Variants in PLB1 observed in about 807,000 individuals in gnomAD.
PLB1 encodes phospholipase B1, also known as phospholipase B1, membrane-associated.
PLB1 carries 242 observed loss-of-function variants against 227.4 expected under a neutral mutation model. The ratio of observed to expected loss-of-function variants is 1.06; its 90% CI spans 0.96 to 1.18. The LOEUF (loss-of-function observed/expected upper bound fraction) is 1.18, where lower values mean the gene tolerates loss of function less well. Ranked by LOEUF, PLB1 falls within the 50% of genes most tolerant of loss-of-function variation. The pLI, the probability that PLB1 is intolerant of heterozygous loss-of-function variation, is 0.00. For synonymous variants in PLB1, 757 were observed against 682.2 expected (o/e 1.11, Z -1.71); for missense variants, 1,858 against 1,816.3 (o/e 1.02, Z -0.42).
chr2:28,508,124 C>T (rs570204955), intron 1 of PLB1, among the ~76,000 whole-genome samples: 2 of 152,330 alleles, frequency 1.3e-5, no homozygotes, highest in African/African-American at 4.8e-5. Flanking sequence ...TTTCTATAAC[C>T]TTCTTTCAAA....
At chr2:28,539,376 T>A (rs1333173094) in intron 11 of PLB1, among the ~76,000 whole-genome samples, 198 bp downstream of exon 11, 1 of 152,128 alleles carries the variant, frequency 6.6e-6, no homozygotes, top group African/African-American at 2.4e-5. Flanking sequence ...AAGCATTGTT[T>A]TGGGGACTGA....
rs749614771 is a variant in PLB1 at position 28,598,054 on chromosome 2, T to G, written c.2365+6T>G. The G allele has an allele frequency of 3.1e-6, 5 of 1,611,188 alleles. No homozygotes were observed. The highest frequency in any genetic ancestry group is 3.4e-6 in the Non-Finnish European group (4 of 1,177,964). ...GAATGTGACCACCTTACCTAGTAAGTAACCATCAGGGGCTTGAATCTGTCT... is the reference window on the plus strand; with the variant it reads ...GAATGTGACCACCTTACCTAGTAAGGAACCATCAGGGGCTTGAATCTGTCT... On this transcript the variant is annotated splice_donor_region_variant and intron_variant, in intron 34 of 57. Coordinates refer to ENST00000327757, the MANE Select transcript of PLB1 (RefSeq NM_153021.5).
At chr2:28,521,920 A>G (rs1669579739) in intron 4 of PLB1, among the ~76,000 whole-genome samples, 1 of 151,074 alleles carries the variant, frequency 6.6e-6, no homozygotes, top group African/African-American at 2.4e-5. Context: ...CCTTCCCAGC[A>G]TCCTCCCCCA....
intron 1 of PLB1, among the ~76,000 whole-genome samples, chr2:28,500,033 T>C (rs932059883): frequency 6.6e-6 from 1 of 152,204 alleles, no homozygotes; most frequent in Non-Finnish European, 1.5e-5. Context: ...TTGAAATTCA[T>C]CTAATGCTTT....
intron 20 of PLB1, among the ~76,000 whole-genome samples, chr2:28,570,828 G>A (rs1007954730): frequency 5.9e-5 from 9 of 152,206 alleles, no homozygotes; most frequent in African/African-American, 2.2e-4. Context: ...AGGGATAGAA[G>A]GAAAATTCCT....
intron 43 of PLB1, among the ~76,000 whole-genome samples, chr2:28,612,251 G>A (rs192748705): frequency 1.3e-5 from 2 of 152,348 alleles, no homozygotes; most frequent in African/African-American, 4.8e-5. Flanking sequence ...ACCAGTATCT[G>A]AGCTGGGGGC....
chr2:28,528,382 A>G (rs528114241), intron 6 of PLB1, among the ~76,000 whole-genome samples: 3 of 152,146 alleles, frequency 2.0e-5, no homozygotes, highest in African/African-American at 7.2e-5. Context: ...ACACAACTTA[A>G]CTGCTCCTGA....
In PLB1 at chr2:28,529,427, C is replaced by T; in HGVS notation, c.416+20C>T. The T allele has an allele frequency of 6.4e-7, 1 of 1,553,748 alleles. No homozygotes were observed. Among genetic ancestry groups the T allele is most frequent in the Non-Finnish European group, 8.9e-7 (1 of 1,125,520 alleles). ...TGCTGAGTAAGTTCCCTTTCTGTCTCTCTCTGAGGTTATGTGTTCCTACTG... is the reference window on the plus strand; with the variant it reads ...TGCTGAGTAAGTTCCCTTTCTGTCTTTCTCTGAGGTTATGTGTTCCTACTG... On this transcript the variant is annotated intron_variant, in intron 7 of 57. Transcript: ENST00000327757.
At chr2:28,582,348 C>T (rs988283873) in intron 24 of PLB1, 57 bp from the exon 25 acceptor site, 32 of 1,489,822 alleles carry the variant, frequency 2.1e-5, no homozygotes, top group Admixed American at 1.4e-4. Flanking sequence ...GGCCCCAAAC[C>T]GAGGTGAAAG....
At position 28,640,918 on chromosome 2, in the gene PLB1, T is replaced by C. The variant is rs1343981275; in HGVS notation, c.4099-9T>C. On this transcript the variant is annotated splice_polypyrimidine_tract_variant and intron_variant, in intron 56 of 57. Transcript: ENST00000327757. ...GGAGAGAATCGAGGTGTCCTTTCTC[T>C]CTCTCCAGCTGGAACCAGTGGGCCG... 2 of 1,612,360 alleles carry C rather than the reference T, an allele frequency of 1.2e-6. No homozygotes were observed. Among genetic ancestry groups the C allele is most frequent in the African/African-American group, 2.7e-5 (2 of 74,830 alleles).
intron 33 of PLB1, among the ~76,000 whole-genome samples, chr2:28,596,494 G>C (rs755969860): frequency 1.3e-5 from 2 of 152,184 alleles, no homozygotes; most frequent in Admixed American, 1.3e-4. Context: ...TACTTGATGC[G>C]TTTGTGTTTG....
At chr2:28,517,469 G>A (rs1668988436) in intron 2 of PLB1, among the ~76,000 whole-genome samples, 2 of 152,280 alleles carry the variant, frequency 1.3e-5, no homozygotes, top group East Asian at 1.9e-4. Context: ...TGGTCTTGAG[G>A]ACCTGAGTAC....
chr2:28,563,053 A>T lies in PLB1; in HGVS notation c.1160A>T (p.Lys387Met). 1 of 1,613,826 alleles carries T rather than the reference A, an allele frequency of 6.2e-7. No individual in the cohort carries two copies. The highest frequency in any genetic ancestry group is 8.5e-7 in the Non-Finnish European group (1 of 1,179,756). The change falls in exon 18 of 58, where the codon AAG (lysine) becomes ATG (methionine). Residue 387 changes from lysine to methionine, a missense_variant. By Grantham distance (95) the Lys-to-Met change is moderately conservative (BLOSUM62 -1). Transcript: ENST00000327757. ...CTTATATTCTTAGTTCATAGGCTGA[A>T]GCCGGCTGACATCAACGTAATTGGA... ...DTVPTSVHRL[K>M]PADINVIGAL... is the part of the protein sequence containing the mutation.
In PLB1 at chr2:28,554,489, C is replaced by CTTTTTTTTTTTTTTTTTTTTTTTT. The variant is rs536476788; in HGVS notation, c.1147+1504_1147+1527dup. ...CTACAGGCATTATCACCACACCTGC[C>CTTTTTTTTTTTTTTTTTTTTTTTT]TTTTTTTTTTTTTTTTTTTTTTTTT... On this transcript the variant is annotated intron_variant, in intron 17 of 57. Coordinates refer to ENST00000327757, the MANE Select transcript of PLB1 (RefSeq NM_153021.5). Among the ~76,000 whole-genome samples the CTTTTTTTTTTTTTTTTTTTTTTTT allele has an allele frequency of 9.5e-4, 81 of 85,434 alleles. 8 individuals carry two copies. The highest frequency in any genetic ancestry group is 1.1e-3 in the Admixed American group (8 of 7,210). The allele number at this position is 85,434 out of a possible 152,430, so 56.0% of individuals were successfully genotyped here.
Position 28,592,602 on chromosome 2 carries a change from C to T in PLB1, c.2189-59C>T, listed in dbSNP as rs549883746. 1.9e-6 allele frequency: 3 copies of T among 1,543,764 alleles called. No individual in the cohort carries two copies. In the South Asian group the frequency reaches 3.3e-5, roughly 17 times the overall value. ...TGGATCTTGCTTGAAGCCAGAGGCA[C>T]TAGAGTGTGACTGTGGCTTCCCTCC... On this transcript the variant is annotated intron_variant, in intron 31 of 57. Transcript: ENST00000327757.
At chr2:28,641,038 T>G in intron 57 of PLB1, 37 bp downstream of exon 57, 2 of 1,590,560 alleles carry the variant, frequency 1.3e-6, no homozygotes, top group Non-Finnish European at 1.7e-6. Context: ...GTGGAACAGA[T>G]GCCTGGGGTG....
In PLB1 at chr2:28,643,266, T is replaced by C; in HGVS notation, c.*205T>C. The C allele has an allele frequency of 2.1e-6, 1 of 471,312 alleles. No individual in the cohort carries two copies. The highest frequency in any genetic ancestry group is 3.2e-5 in the East Asian group (1 of 30,828). The allele number at this position is 471,312 out of a possible 1,614,324, so 29.2% of individuals were successfully genotyped here. On this transcript the variant is annotated 3_prime_UTR_variant, in exon 58 of 58. Transcript: ENST00000327757. ...ATTTAAATAAAGTCCAAAGCTATTT[T>C]ATTCCTGGGTTTGCCTGCGTGAAGC...
chr2:28,533,139 A>G (rs916835643), intron 9 of PLB1, among the ~76,000 whole-genome samples: 3 of 152,122 alleles, frequency 2.0e-5, no homozygotes, highest in African/African-American at 7.2e-5. Flanking sequence ...CCCCTCTCCT[A>G]CAGTAGATAC....
chr2:28,582,676 C>T (rs1680237982), intron 25 of PLB1, among the ~76,000 whole-genome samples, 171 bp downstream of exon 25: 1 of 152,146 alleles, frequency 6.6e-6, no homozygotes, highest in Non-Finnish European at 1.5e-5. Flanking sequence ...ATTTTTCCAC[C>T]CTGGTGTAGG....
Sources: gnomAD v4.1 joint callset for allele counts (sites outside exome capture counted in the v4.1 genomes callset) on GRCh38, gnomAD v4.1.1 for gene constraint, MANE v1.5 for transcripts, NCBI Gene and HGNC (gene_info 2026-07-23, HGNC 2026-07-21) for gene names.